The following RBFOX1 variants were observed in gnomAD, a reference collection of about 807,000 sequenced individuals.
RBFOX1 encodes the protein RNA binding protein fox-1 homolog 1.
In RBFOX1, 8 loss-of-function variants were observed where a neutral mutation model predicts 57.7. That is an observed-to-expected ratio of 0.14 (90% confidence interval 0.08 to 0.25). The LOEUF (loss-of-function observed/expected upper bound fraction) is 0.25. Among genes scored for constraint, RBFOX1 ranks in the 10% least tolerant of loss-of-function variants. The probability of loss-of-function intolerance (pLI) is 1.00; values close to 1 mark genes in which losing one functional copy is unlikely to be tolerated. For missense variants in RBFOX1, 611 were observed against 548.5 expected, an observed-to-expected ratio of 1.11 and a Z score of -1.14; for synonymous variants, 326 against 222.4, an observed-to-expected ratio of 1.47 and a Z score of -4.15.
At chr16:6,110,712 C>G (rs1226831724) in intron 1 of RBFOX1, among the ~76,000 whole-genome samples, 3 of 152,166 alleles carry the variant, frequency 2.0e-5, no homozygotes, top group Non-Finnish European at 4.4e-5. Context: ...TAATCCAGAG[C>G]AGTGGTTCTC....
Position 7,023,562 on chromosome 16 carries a change from A to C in RBFOX1, c.-15-28495A>C, listed in dbSNP as rs1468605471. On this transcript the variant is annotated intron_variant, in intron 3 of 15. Coordinates refer to ENST00000550418, the MANE Select transcript of RBFOX1 (RefSeq NM_018723.4). ...GCCAACATGGTGAAACTTCGTCTGT[A>C]CTAAAAAAAAAAAAAAAAAAAAAAA... Among the ~76,000 whole-genome samples, 112 of 124,554 alleles carry C rather than the reference A, an allele frequency of 9.0e-4. 1 individual carries two copies. The Middle Eastern group carries it at 0.012, about 14-fold the overall frequency. The allele number at this position is 124,554 out of a possible 152,430, so 81.7% of individuals were successfully genotyped here. A position where few individuals can be genotyped will look rare whatever the true frequency, so the allele number is the denominator to read the frequency against.
intron 1 of RBFOX1, among the ~76,000 whole-genome samples, chr16:6,261,992 G>A (rs553631712): frequency 2.9e-4 from 44 of 151,864 alleles, no homozygotes; most frequent in African/African-American, 8.7e-4. Flanking sequence ...TCACACCATC[G>A]TACTCCAGCC....
intron 1 of RBFOX1, among the ~76,000 whole-genome samples, chr16:5,327,127 G>A (rs928718962): frequency 6.6e-6 from 1 of 152,190 alleles, no homozygotes; most frequent in African/African-American, 2.4e-5. Flanking sequence ...TGGAACAACT[G>A]GGAATGGCAG....
chr16:5,251,024 C>G (rs1174121390), intron 1 of RBFOX1, among the ~76,000 whole-genome samples: 1 of 152,164 alleles, frequency 6.6e-6, no homozygotes, highest in Admixed American at 6.5e-5. Flanking sequence ...GATGATGGCA[C>G]GACCGCCCCT....
chr16:6,662,120 G>A (rs1009142433), intron 3 of RBFOX1, among the ~76,000 whole-genome samples: 18 of 76,894 alleles, frequency 2.3e-4, no homozygotes, highest in Admixed American at 1.8e-3. Context: ...GGTGGTTGCC[G>A]AGGGCTGGGG....
intron 2 of RBFOX1, among the ~76,000 whole-genome samples, chr16:5,501,574 T>C (rs1567168005): frequency 6.6e-6 from 1 of 152,146 alleles, no homozygotes; most frequent in African/African-American, 2.4e-5. Context: ...CCTTGCAGTC[T>C]CGTTTTTCCC....
At chr16:5,786,953 T>A (rs543320151) in intron 3 of RBFOX1, among the ~76,000 whole-genome samples, 1 of 152,232 alleles carries the variant, frequency 6.6e-6, no homozygotes, top group South Asian at 2.1e-4. Flanking sequence ...CTGGCCAACA[T>A]GGTGAAACCC....
intron 4 of RBFOX1, among the ~76,000 whole-genome samples, chr16:7,253,234 A>G (rs1212802863): frequency 2.6e-5 from 4 of 152,204 alleles, no homozygotes; most frequent in African/African-American, 9.6e-5. Context: ...TGGCTTCACC[A>G]TTCACAGGTA....
intron 5 of RBFOX1, among the ~76,000 whole-genome samples, chr16:7,568,920 C>G (rs2092453662): frequency 1.5e-5 from 2 of 134,308 alleles, no homozygotes; most frequent in South Asian, 5.3e-4. Flanking sequence ...TCACTTAAAA[C>G]TGTCTGGGAA....
intron 3 of RBFOX1, among the ~76,000 whole-genome samples, chr16:6,897,531 C>T (rs765892483): frequency 6.6e-6 from 1 of 152,216 alleles, no homozygotes; most frequent in African/African-American, 2.4e-5. Context: ...CAGTGGCTCA[C>T]GCCTGTAATC....
Position 7,694,538 on chromosome 16 carries a change from C to G in RBFOX1, c.996-14518C>G, listed in dbSNP as rs118177395. Reference sequence around the variant, plus strand: ...GTTCAAGAGGTATGCATGATGCATGCTGACATTTTAAAACAATGGTATACT... The same window carrying G: ...GTTCAAGAGGTATGCATGATGCATGGTGACATTTTAAAACAATGGTATACT... On this transcript the variant is annotated intron_variant, in intron 14 of 15. Coordinates refer to ENST00000550418, the MANE Select transcript of RBFOX1 (RefSeq NM_018723.4). 6.5e-3 allele frequency among the ~76,000 whole-genome samples: 990 copies of G among 152,330 alleles called. 8 individuals carry two copies. The highest frequency in any genetic ancestry group is 9.6e-3 in the Non-Finnish European group (652 of 68,038).
chr16:7,216,765 T>A (rs538107271), intron 4 of RBFOX1, among the ~76,000 whole-genome samples: 1 of 152,318 alleles, frequency 6.6e-6, no homozygotes, highest in African/African-American at 2.4e-5. Flanking sequence ...TTATAATTCC[T>A]CTTTTCATTA....
chr16:5,927,074 A>G (rs1228778707), intron 4 of RBFOX1, among the ~76,000 whole-genome samples: 1 of 152,172 alleles, frequency 6.6e-6, no homozygotes, highest in Non-Finnish European at 1.5e-5. Flanking sequence ...ACATATTTTT[A>G]TACCCTAGCT....
chr16:6,005,670 C>T (rs1053715309), intron 4 of RBFOX1, among the ~76,000 whole-genome samples: 2 of 152,200 alleles, frequency 1.3e-5, no homozygotes, highest in Non-Finnish European at 2.9e-5. Context: ...CCAAAAATGT[C>T]TCTAGACATT....
chr16:5,909,493 A>C (rs1337037229), intron 4 of RBFOX1, among the ~76,000 whole-genome samples: 1 of 152,250 alleles, frequency 6.6e-6, no homozygotes, highest in African/African-American at 2.4e-5. Context: ...CCCGTCAGTC[A>C]GTCCTCTTCA....
chr16:6,519,464 GCCAAC>G, intron 2 of RBFOX1, among the ~76,000 whole-genome samples: 1 of 152,118 alleles, frequency 6.6e-6, no homozygotes, highest in African/African-American at 2.4e-5. Context: ...ACTTTGGGAG[GCCAAC>G]TCAGGAAGAT....
chr16:5,998,752 G>C (rs570507108), intron 4 of RBFOX1, among the ~76,000 whole-genome samples: 44 of 152,206 alleles, frequency 2.9e-4, no homozygotes, highest in African/African-American at 1.0e-3. Context: ...AAGTGCAAAT[G>C]GCATTTTTTC....
intron 3 of RBFOX1, among the ~76,000 whole-genome samples, chr16:6,767,932 T>TAAGAAGAAGAAGAAGAAG (rs1247016398): frequency 7.4e-5 from 7 of 94,876 alleles, no homozygotes; most frequent in African/African-American, 3.8e-4. Flanking sequence ...ATAATAATAA[T>TAAGAAGAAGAAGAAGAAG]AATAATAATA....
At chr16:7,281,153 C>T (rs370866404) in intron 4 of RBFOX1, among the ~76,000 whole-genome samples, 2 of 152,006 alleles carry the variant, frequency 1.3e-5, no homozygotes, top group African/African-American at 4.8e-5. Context: ...CAGGTGTGTG[C>T]CACCACACCT....
Sources: gnomAD v4.1 joint callset for allele counts (sites outside exome capture counted in the v4.1 genomes callset) on GRCh38, gnomAD v4.1.1 for gene constraint, MANE v1.5 for transcripts, NCBI Gene and HGNC (gene_info 2026-07-23, HGNC 2026-07-21) for gene names.